Variants in BICD2 observed in about 807,000 individuals in gnomAD.
BICD2 encodes the protein BICD cargo adaptor 2.
BICD2 carries 25 observed loss-of-function variants against 72.9 expected under a neutral mutation model. The ratio of observed to expected loss-of-function variants is 0.34; its 90% confidence interval spans 0.25 to 0.48. The LOEUF (loss-of-function observed/expected upper bound fraction) is 0.48. Among genes scored for constraint, BICD2 ranks in the 20% least tolerant of loss-of-function variants. The pLI is 0.99. For missense variants in BICD2, 894 were observed against 1,175.2 expected, an observed-to-expected ratio of 0.76 and a Z score of 3.50; for synonymous variants, 501 against 516.1, an observed-to-expected ratio of 0.97 and a Z score of 0.40.
chr9:92,717,470 G>T (rs1853341319), intron 6 of BICD2, among the ~76,000 whole-genome samples: 1 of 152,262 alleles, frequency 6.6e-6, no homozygotes, highest in Non-Finnish European at 1.5e-5. Flanking sequence ...GTGGGCACCT[G>T]CCAGGCATGC....
intron 1 of BICD2, among the ~76,000 whole-genome samples, chr9:92,757,312 C>CAAAAAAAAAAAAAAAAAA (rs1169381290): frequency 1.9e-4 from 10 of 52,738 alleles, no homozygotes; most frequent in South Asian, 5.7e-4. Flanking sequence ...AGACTGTCTC[C>CAAAAAAAAAAAAAAAAAA]AAAAAAAAAA....
chr9:92,748,588 GACCC>G (rs1450358865), intron 1 of BICD2, among the ~76,000 whole-genome samples: 1 of 152,050 alleles, frequency 6.6e-6, no homozygotes, highest in East Asian at 1.9e-4. Context: ...CAGACACAAT[GACCC>G]ACCCAGTGGG....
chr9:92,760,560 C>T (rs1466189556), intron 1 of BICD2, among the ~76,000 whole-genome samples: 2 of 152,218 alleles, frequency 1.3e-5, no homozygotes, highest in Non-Finnish European at 2.9e-5. Flanking sequence ...TTCATGACCC[C>T]CTGCCCCATA....
At position 92,752,259 on chromosome 9, in the gene BICD2, A is replaced by G. The variant is rs550606630; in HGVS notation, c.240+12246T>C. ...GAAACCAGGGCTTCTTGGGGTAAAT[A>G]GCTGATTCTAGGACTGAGGGAGGAA... On this transcript the variant is annotated intron_variant, in intron 1 of 6. Transcript: ENST00000356884. Among the ~76,000 whole-genome samples the G allele has an allele frequency of 2.6e-5, 4 of 152,246 alleles. No homozygotes were observed. In the East Asian group the frequency reaches 7.7e-4, roughly 29 times the overall value.
At chr9:92,742,246 C>T (rs139758831) in intron 1 of BICD2, among the ~76,000 whole-genome samples, 94 of 152,292 alleles carry the variant, frequency 6.2e-4, no homozygotes, top group Admixed American at 2.5e-3. Flanking sequence ...AAAGACTCTC[C>T]TGCTTACCTC....
At chr9:92,750,285 C>T (rs554656764) in intron 1 of BICD2, among the ~76,000 whole-genome samples, 3 of 152,136 alleles carry the variant, frequency 2.0e-5, no homozygotes, top group African/African-American at 4.8e-5. Flanking sequence ...TACAATCCAG[C>T]GATCAGACTC....
chr9:92,757,536 C>G (rs1486340369), intron 1 of BICD2, among the ~76,000 whole-genome samples: 2 of 131,092 alleles, frequency 1.5e-5, no homozygotes, highest in Non-Finnish European at 3.1e-5. Context: ...AGAAAAGATT[C>G]TATTTTCTAT....
rs957531856 is a variant in BICD2 at position 92,714,832 on chromosome 9, G to A, written c.*322C>T. Reference sequence around the variant, plus strand: ...GAGCAGGACCAGGACTCCTCCCTTGGGTTTCCCCACGGGTGCGCAGGGCTT... The same window carrying A: ...GAGCAGGACCAGGACTCCTCCCTTGAGTTTCCCCACGGGTGCGCAGGGCTT... On this transcript the variant is annotated 3_prime_UTR_variant, in exon 7 of 7. Coordinates refer to ENST00000356884, the MANE Select transcript of BICD2 (RefSeq NM_001003800.2). 5.5e-6 allele frequency: 6 copies of A among 1,094,722 alleles called. No homozygotes were observed. In the African/African-American group the frequency reaches 8.2e-5, roughly 15 times the overall value. The allele number at this position is 1,094,722 out of a possible 1,614,324, so 67.8% of individuals were successfully genotyped here.
intron 1 of BICD2, among the ~76,000 whole-genome samples, chr9:92,745,893 C>T (rs1854001614): frequency 6.6e-6 from 1 of 152,230 alleles, no homozygotes; most frequent in South Asian, 2.1e-4. Context: ...GCCCCAACCA[C>T]GCCTGCTCCT....
intron 1 of BICD2, among the ~76,000 whole-genome samples, chr9:92,744,734 A>T (rs1166657253): frequency 6.6e-6 from 1 of 152,038 alleles, no homozygotes; most frequent in Admixed American, 6.5e-5. Flanking sequence ...CCAGCTACTC[A>T]GGAGGCTGAG....
chr9:92,760,288 C>T (rs1854345261), intron 1 of BICD2, among the ~76,000 whole-genome samples: 1 of 152,198 alleles, frequency 6.6e-6, no homozygotes, highest in Non-Finnish European at 1.5e-5. Context: ...GCTTGGCATC[C>T]CCAAAGACGA....
At chr9:92,734,027 G>A (rs1191388256) in intron 1 of BICD2, among the ~76,000 whole-genome samples, 1 of 151,408 alleles carries the variant, frequency 6.6e-6, no homozygotes, top group Non-Finnish European at 1.5e-5. Flanking sequence ...AAGATAAACA[G>A]TGACTATGTA....
intron 1 of BICD2, among the ~76,000 whole-genome samples, chr9:92,735,540 G>A (rs943154470): frequency 1.3e-5 from 2 of 151,808 alleles, no homozygotes; most frequent in Admixed American, 6.6e-5. Flanking sequence ...CCTGAGGTCA[G>A]TGGGGAGTTT....
At chr9:92,750,801 T>TC (rs2131530170) in intron 1 of BICD2, among the ~76,000 whole-genome samples, 1 of 152,310 alleles carries the variant, frequency 6.6e-6, no homozygotes, top group South Asian at 2.1e-4. Flanking sequence ...GATCAAGGGA[T>TC]CCTGGGCTGG....
chr9:92,731,694 T>C (rs1853682860), intron 1 of BICD2, among the ~76,000 whole-genome samples: 1 of 152,070 alleles, frequency 6.6e-6, no homozygotes, highest in South Asian at 2.1e-4. Flanking sequence ...TGGCGGAAGA[T>C]GGCAGCAGGG....
intron 1 of BICD2, among the ~76,000 whole-genome samples, chr9:92,737,460 G>C (rs1177936842): frequency 6.6e-6 from 1 of 152,172 alleles, no homozygotes; most frequent in African/African-American, 2.4e-5. Flanking sequence ...CAATGGACCA[G>C]TGTTAACATG....
At chr9:92,722,455 C>T (rs530357935) in intron 3 of BICD2, among the ~76,000 whole-genome samples, 1 of 152,304 alleles carries the variant, frequency 6.6e-6, no homozygotes, top group Admixed American at 6.5e-5. Context: ...TCAGCAAACA[C>T]TGCAGCCAGA....
At chr9:92,746,125 G>T (rs1173292497) in intron 1 of BICD2, among the ~76,000 whole-genome samples, 1 of 152,198 alleles carries the variant, frequency 6.6e-6, no homozygotes, top group African/African-American at 2.4e-5. Context: ...TCCCTCCCTA[G>T]AAGGTTACCT....
chr9:92,711,819 C>A lies in BICD2; in HGVS notation c.*3335G>T, dbSNP rs750830283. Reference sequence around the variant, plus strand: ...AATGCTTATTCCAGGAAACAGAATTCTTTTATTTTTGTCATTTATATTATT... The same window carrying A: ...AATGCTTATTCCAGGAAACAGAATTATTTTATTTTTGTCATTTATATTATT... On this transcript the variant is annotated 3_prime_UTR_variant, in exon 7 of 7. Transcript: ENST00000356884. 2.4e-4 allele frequency: 36 copies of A among 152,378 alleles called. No individual in the cohort carries two copies. The highest frequency in any genetic ancestry group is 5.0e-4 in the Non-Finnish European group (34 of 68,004). 9.4% of individuals were successfully genotyped at this position (152,378 alleles called of 1,614,324 possible).
Sources: allele counts gnomAD v4.1 joint callset (sites outside exome capture counted in the v4.1 genomes callset), GRCh38; gene constraint gnomAD v4.1.1; transcripts MANE v1.5; gene names NCBI Gene and HGNC (gene_info 2026-07-23, HGNC 2026-07-21).